C8orf34: variants seen among roughly 807,000 people sequenced by gnomAD.
C8orf34 encodes the protein uncharacterized protein C8orf34.
C8orf34 carries 65 observed loss-of-function variants against 68.3 expected under a neutral mutation model. The observed-to-expected ratio is 0.95, with a 90% confidence interval of 0.78 to 1.17. The LOEUF is 1.17. C8orf34 is among the 50% of genes most tolerant of loss of function. The pLI is 0.00. For synonymous variants in C8orf34, 244 were observed against 241.2 expected (o/e 1.01, Z -0.11); for missense variants, 664 against 655.4 (o/e 1.01, Z -0.14).
chr8:68,370,106 C>T (rs1202340236), intron 1 of C8orf34, among the ~76,000 whole-genome samples: 1 of 152,032 alleles, frequency 6.6e-6, no homozygotes, highest in Non-Finnish European at 1.5e-5. Flanking sequence ...TTGGCTGACC[C>T]CTAAATTTTC....
At chr8:68,721,726 C>T (rs543321193) in intron 10 of C8orf34, among the ~76,000 whole-genome samples, 23 of 152,032 alleles carry the variant, frequency 1.5e-4, no homozygotes, top group African/African-American at 5.1e-4. Context: ...AAATATTTTG[C>T]ATATCCTGAA....
chr8:68,788,410 T>C (rs1344529956), intron 12 of C8orf34, among the ~76,000 whole-genome samples: 1 of 152,186 alleles, frequency 6.6e-6, no homozygotes, highest in Non-Finnish European at 1.5e-5. Flanking sequence ...TGGGTTTATG[T>C]GGTCAGAGGG....
intron 7 of C8orf34, among the ~76,000 whole-genome samples, chr8:68,574,771 T>C (rs1182029775): frequency 2.0e-5 from 3 of 152,002 alleles, no homozygotes; most frequent in African/African-American, 7.2e-5. Context: ...TATAGCTTTA[T>C]TTGTCAAAAA....
At position 68,389,201 on chromosome 8, in the gene C8orf34, T is replaced by C. The variant is rs1044228242; in HGVS notation, c.328-50298T>C. On this transcript the variant is annotated intron_variant, in intron 1 of 13. Transcript: ENST00000518698. ...TTGTCCTCATGGAGCCTGTTATATATTGAATAAAAAGCACAGTAAGTGGGC... is the reference window on the plus strand; with the variant it reads ...TTGTCCTCATGGAGCCTGTTATATACTGAATAAAAAGCACAGTAAGTGGGC... 1.1e-4 allele frequency among the ~76,000 whole-genome samples: 16 copies of C among 152,154 alleles called. 1 individual carries two copies. The highest frequency in any genetic ancestry group is 7.2e-5 in the African/African-American group (3 of 41,448).
At chr8:68,600,182 T>G (rs1419621064) in intron 7 of C8orf34, among the ~76,000 whole-genome samples, 1 of 152,156 alleles carries the variant, frequency 6.6e-6, no homozygotes, top group East Asian at 1.9e-4. Context: ...TATACATATG[T>G]AATTTATCAC....
chr8:68,531,805 A>G (rs1815257107), intron 6 of C8orf34, among the ~76,000 whole-genome samples: 1 of 152,102 alleles, frequency 6.6e-6, no homozygotes, highest in East Asian at 1.9e-4. Flanking sequence ...AAGGGTACAT[A>G]GGAAGGTGGA....
At chr8:68,701,099 T>A (rs187617558) in intron 8 of C8orf34, among the ~76,000 whole-genome samples, 1 of 152,150 alleles carries the variant, frequency 6.6e-6, no homozygotes, top group East Asian at 1.9e-4. Flanking sequence ...AAATATAATA[T>A]CATAATATTC....
rs547132839 is a variant in C8orf34, at chr8:68,385,206, ATT to A, written c.327+53870_327+53871del. On this transcript the variant is annotated intron_variant, in intron 1 of 13. Transcript: ENST00000518698. ...ATCCTTACCTCAACCTTATGTGGTA[ATT>A]TTGTCAGCCTCATTTTAGTGATAAG... Among the ~76,000 whole-genome samples, 373 of 152,268 alleles carry A rather than the reference ATT, an allele frequency of 2.4e-3. 2 individuals are homozygous for A. Among genetic ancestry groups the A allele is most frequent in the Admixed American group, 3.7e-3 (57 of 15,292 alleles).
At chr8:68,438,579 A>G (rs1396175521) in intron 1 of C8orf34, 1 of 152,198 alleles carries the variant, frequency 6.6e-6, no homozygotes, top group Non-Finnish European at 1.5e-5. Context: ...TAAAACAGCA[A>G]TGAACAGACT....
At chr8:68,535,928 A>G (rs72665001) in intron 7 of C8orf34, 620 of 925,250 alleles carry the variant, frequency 6.7e-4, no homozygotes, top group Non-Finnish European at 7.5e-4. Context: ...ATGCTCAAAT[A>G]TAAGATATTT....
chr8:68,698,681 GAA>G (rs2130927279), intron 8 of C8orf34, among the ~76,000 whole-genome samples: 1 of 152,206 alleles, frequency 6.6e-6, no homozygotes, highest in East Asian at 1.9e-4. Context: ...CAACCTGCTA[GAA>G]ATCAGTGCTT....
chr8:68,612,464 A>C (rs982241251), intron 7 of C8orf34, among the ~76,000 whole-genome samples: 4 of 152,092 alleles, frequency 2.6e-5, no homozygotes, highest in Non-Finnish European at 5.9e-5. Context: ...TTCTGACATA[A>C]TATAGAAATA....
intron 5 of C8orf34, among the ~76,000 whole-genome samples, chr8:68,518,534 A>T (rs1396092973): frequency 6.6e-6 from 1 of 152,162 alleles, no homozygotes; most frequent in Non-Finnish European, 1.5e-5. Context: ...CCAGAAAAAG[A>T]CGCCAACTCT....
intron 7 of C8orf34, among the ~76,000 whole-genome samples, chr8:68,568,862 C>T (rs919517080): frequency 6.6e-6 from 1 of 152,160 alleles, no homozygotes; most frequent in Non-Finnish European, 1.5e-5. Flanking sequence ...ATATTTTAGA[C>T]TTTGTGGGCC....
chr8:68,680,202 A>G (rs1174081178), intron 8 of C8orf34, among the ~76,000 whole-genome samples: 1 of 152,192 alleles, frequency 6.6e-6, no homozygotes, highest in Non-Finnish European at 1.5e-5. Context: ...AACAGAATAT[A>G]TAAGGAGCTC....
chr8:68,538,970 T>C (rs1232302896), intron 7 of C8orf34, among the ~76,000 whole-genome samples: 1 of 152,114 alleles, frequency 6.6e-6, no homozygotes, highest in Non-Finnish European at 1.5e-5. Context: ...TATAGAGAAA[T>C]TAGAAATTTG....
chr8:68,448,903 G>A (rs2129627159), intron 3 of C8orf34, among the ~76,000 whole-genome samples: 1 of 152,064 alleles, frequency 6.6e-6, no homozygotes, highest in African/African-American at 2.4e-5. Flanking sequence ...TATTACCAGA[G>A]ATAAAGAGAC....
intron 12 of C8orf34, among the ~76,000 whole-genome samples, chr8:68,801,489 ATC>A (rs1824326100): frequency 6.6e-6 from 1 of 152,156 alleles, no homozygotes; most frequent in African/African-American, 2.4e-5. Context: ...TAAGGTTGCT[ATC>A]TCTACCCTCT....
intron 3 of C8orf34, among the ~76,000 whole-genome samples, chr8:68,460,652 C>T (rs1811771547): frequency 6.6e-6 from 1 of 152,200 alleles, no homozygotes; most frequent in Non-Finnish European, 1.5e-5. Flanking sequence ...CGCTGTTCTA[C>T]AGCCACGACT....
Sources: allele counts gnomAD v4.1 joint callset (sites outside exome capture counted in the v4.1 genomes callset), GRCh38; gene constraint gnomAD v4.1.1; transcripts MANE v1.5; gene names NCBI Gene and HGNC (gene_info 2026-07-23, HGNC 2026-07-21).